SPAG16: variants seen among roughly 807,000 people sequenced by gnomAD.
SPAG16 encodes the protein sperm-associated antigen 16 protein.
In SPAG16, 86 loss-of-function variants were observed where a neutral mutation model predicts 80.4. The ratio of observed to expected loss-of-function variants is 1.07; its 90% CI spans 0.90 to 1.28. The LOEUF (loss-of-function observed/expected upper bound fraction) is 1.28, where lower values mean the gene tolerates loss of function less well. Among genes scored for constraint, SPAG16 ranks in the 50% most tolerant of loss-of-function variants. SPAG16 has a pLI of 0.00. For missense variants in SPAG16, 870 were observed against 765.3 expected (o/e 1.14, Z -1.61); for synonymous variants, 294 against 265.9 (o/e 1.11, Z -1.03).
intron 10 of SPAG16, among the ~76,000 whole-genome samples, chr2:213,621,236 G>C (rs576505839): frequency 4.6e-5 from 7 of 152,094 alleles, no homozygotes; most frequent in Middle Eastern, 3.4e-3. Context: ...TTTTTTGTTA[G>C]TCAATAAATT....
chr2:213,972,676 T>G (rs1303571442), intron 12 of SPAG16, among the ~76,000 whole-genome samples: 2 of 152,216 alleles, frequency 1.3e-5, no homozygotes, highest in Non-Finnish European at 2.9e-5. Flanking sequence ...TATCTGGGTA[T>G]CTCATAATGC....
chr2:214,278,048 C>T (rs1366232931), intron 15 of SPAG16, among the ~76,000 whole-genome samples: 1 of 152,068 alleles, frequency 6.6e-6, no homozygotes, highest in Non-Finnish European at 1.5e-5. Flanking sequence ...GCTGCTGCCT[C>T]GCAGGTCGCA....
At chr2:213,421,218 C>T (rs547472193) in intron 9 of SPAG16, among the ~76,000 whole-genome samples, 1 of 152,354 alleles carries the variant, frequency 6.6e-6, no homozygotes, top group Admixed American at 6.5e-5. Context: ...CTGGCCTTTC[C>T]CTGCTCCTGG....
intron 10 of SPAG16, among the ~76,000 whole-genome samples, chr2:213,845,387 G>A (rs1378117216): frequency 6.6e-6 from 1 of 151,848 alleles, no homozygotes; most frequent in African/African-American, 2.4e-5. Context: ...TAGAGGAGAC[G>A]AGGTTTCACC....
At chr2:214,049,659 T>A (rs2049532245) in intron 13 of SPAG16, among the ~76,000 whole-genome samples, 1 of 152,228 alleles carries the variant, frequency 6.6e-6, no homozygotes. Flanking sequence ...TGGTTGTGCA[T>A]TCAGTGGGCT....
At chr2:213,592,999 A>C (rs1470473974) in intron 10 of SPAG16, among the ~76,000 whole-genome samples, 4 of 151,964 alleles carry the variant, frequency 2.6e-5, no homozygotes, top group Non-Finnish European at 2.9e-5. Flanking sequence ...CACCCCACCA[A>C]CACCACCATG....
chr2:214,391,893 A>G (rs1701101328), intron 15 of SPAG16, among the ~76,000 whole-genome samples: 1 of 152,180 alleles, frequency 6.6e-6, no homozygotes, highest in Non-Finnish European at 1.5e-5. Flanking sequence ...TATCAAGAGA[A>G]AGGAGGTTTG....
chr2:214,155,207 A>ATTTC (rs2056160588), intron 15 of SPAG16, among the ~76,000 whole-genome samples: 1 of 152,178 alleles, frequency 6.6e-6, no homozygotes, highest in Non-Finnish European at 1.5e-5. Flanking sequence ...AATACATGAA[A>ATTTC]GCCTGAGGCC....
chr2:214,013,679 C>A (rs2047432871), intron 12 of SPAG16, among the ~76,000 whole-genome samples: 1 of 152,122 alleles, frequency 6.6e-6, no homozygotes, highest in Admixed American at 6.5e-5. Flanking sequence ...ACTGTCATTT[C>A]ATGGTAAAGT....
chr2:214,217,451 C>T (rs142341616), intron 15 of SPAG16, among the ~76,000 whole-genome samples: 1,962 of 152,182 alleles, frequency 0.013, 25 homozygotes, highest in Non-Finnish European at 0.019. Context: ...TATGTTATGC[C>T]GATGCTTTAA....
At chr2:214,059,160 G>C (rs775074417) in intron 13 of SPAG16, among the ~76,000 whole-genome samples, 2 of 145,622 alleles carry the variant, frequency 1.4e-5, no homozygotes, top group Non-Finnish European at 3.0e-5. Flanking sequence ...CTGGGTAACA[G>C]AGCAAGACTC....
At chr2:213,318,812 C>CT (rs1464385126) in intron 5 of SPAG16, among the ~76,000 whole-genome samples, 2 of 151,710 alleles carry the variant, frequency 1.3e-5, no homozygotes, top group Non-Finnish European at 2.9e-5. Flanking sequence ...TTGTAAGTTC[C>CT]TTTTTCATTC....
intron 15 of SPAG16, chr2:214,281,074 C>A: frequency 2.6e-6 from 1 of 382,698 alleles, no homozygotes. Flanking sequence ...TCTGGCAAGG[C>A]CTTCATCTCC....
intron 15 of SPAG16, among the ~76,000 whole-genome samples, chr2:214,235,535 C>A: frequency 6.6e-6 from 1 of 152,092 alleles, no homozygotes; most frequent in East Asian, 1.9e-4. Context: ...GCTTTAAACA[C>A]ACCTCCTGGA....
chr2:213,329,438 T>G (rs1448932094), intron 5 of SPAG16, among the ~76,000 whole-genome samples: 1 of 152,212 alleles, frequency 6.6e-6, no homozygotes, highest in Non-Finnish European at 1.5e-5. Flanking sequence ...TTGTTATGTT[T>G]TAGCAAAGAG....
At chr2:213,284,859 G>A (rs1465860156) in intron 1 of SPAG16, 1 of 510,028 alleles carries the variant, frequency 2.0e-6, no homozygotes, top group Non-Finnish European at 3.4e-6. Flanking sequence ...GACCTTCCAA[G>A]GCCTCATACT....
At chr2:214,105,909 G>T (rs569842335) in intron 13 of SPAG16, among the ~76,000 whole-genome samples, 1 of 151,964 alleles carries the variant, frequency 6.6e-6, no homozygotes, top group Non-Finnish European at 1.5e-5. Context: ...ATTTATCTTC[G>T]AGTCAGGTTT....
intron 15 of SPAG16, among the ~76,000 whole-genome samples, chr2:214,176,157 G>A (rs1175975975): frequency 3.3e-5 from 5 of 151,160 alleles, no homozygotes; most frequent in Non-Finnish European, 7.4e-5. Flanking sequence ...TGATGACAAT[G>A]TCCTCAAATA....
At chr2:213,399,655 G>A (rs983076093) in intron 9 of SPAG16, among the ~76,000 whole-genome samples, 5 of 151,702 alleles carry the variant, frequency 3.3e-5, no homozygotes, top group Non-Finnish European at 7.4e-5. Flanking sequence ...TATAATTTTA[G>A]TATCATTGAA....
Sources: gnomAD v4.1 joint callset for allele counts (sites outside exome capture counted in the v4.1 genomes callset) on GRCh38, gnomAD v4.1.1 for gene constraint, MANE v1.5 for transcripts, NCBI Gene and HGNC (gene_info 2026-07-23, HGNC 2026-07-21) for gene names.